LRP6: variants seen among roughly 807,000 people sequenced by gnomAD.
The protein encoded by LRP6 is LDL receptor related protein 6, also known as low-density lipoprotein receptor-related protein 6.
A neutral mutation model predicts 184.1 loss-of-function variants in LRP6; 43 were observed. That is an observed-to-expected ratio of 0.23 (90% confidence interval 0.18 to 0.30). LRP6 has a LOEUF of 0.30. LRP6 is among the 10% of genes least tolerant of loss of function. The pLI is 1.00. For synonymous variants in LRP6, 719 were observed against 684.9 expected (o/e 1.05, Z -0.78); for missense variants, 1,571 against 2,005.3 (o/e 0.78, Z 4.14).
chr12:12,140,747 G>A (rs954393473), intron 15 of LRP6, among the ~76,000 whole-genome samples: 5 of 151,594 alleles, frequency 3.3e-5, no homozygotes, highest in African/African-American at 9.7e-5. Context: ...GGGATTACTC[G>A]CACCCGTCAC....
chr12:12,218,677 GAGAGGGCCAGGCAC>G (rs1173953743), intron 2 of LRP6, among the ~76,000 whole-genome samples: 1 of 151,778 alleles, frequency 6.6e-6, no homozygotes, highest in Non-Finnish European at 1.5e-5. Context: ...TAAAAAAGGA[GAGAGGGCCAGGCAC>G]AGAGGCTCAC....
At chr12:12,216,972 G>A (rs892642756) in intron 2 of LRP6, among the ~76,000 whole-genome samples, 1 of 151,890 alleles carries the variant, frequency 6.6e-6, no homozygotes, top group African/African-American at 2.4e-5. Context: ...CATTTCTCAC[G>A]GCTCTAGTAT....
intron 13 of LRP6, 40 bp from the exon 14 acceptor site, chr12:12,149,193 G>A: frequency 6.5e-7 from 1 of 1,532,846 alleles, no homozygotes. Context: ...TAAACTCCAG[G>A]GGCAGATAAC....
At chr12:12,131,362 C>G (rs1037625682) in intron 18 of LRP6, among the ~76,000 whole-genome samples, 2 of 152,074 alleles carry the variant, frequency 1.3e-5, no homozygotes, top group African/African-American at 4.8e-5. Flanking sequence ...CCCGCCTCGG[C>G]CTCCCAAAGT....
intron 5 of LRP6, among the ~76,000 whole-genome samples, chr12:12,181,894 C>T (rs915016998): frequency 6.6e-6 from 1 of 152,148 alleles, no homozygotes; most frequent in Non-Finnish European, 1.5e-5. Flanking sequence ...AACTGCGTAA[C>T]TCTGTAAATT....
At chr12:12,166,182 T>C (rs1862874305) in intron 7 of LRP6, among the ~76,000 whole-genome samples, 1 of 152,182 alleles carries the variant, frequency 6.6e-6, no homozygotes, top group Non-Finnish European at 1.5e-5. Context: ...TAAAGGCTAA[T>C]TTGCCCAGCA....
rs1224405482 is a variant in LRP6 at position 12,184,062 on chromosome 12, C to T, written c.894G>A (p.Leu298=). ...GATAAAAAGGCTTGACTGGAGACAT[C>T]AAACACAAATGGGAACAACCCCCAT... ...IDNGGCSHLC[L]MSPVKPFYQC... The change falls in exon 5 of 23, where the codon TTG becomes TTA. Residue 298 remains leucine (L), a synonymous_variant. Coordinates refer to ENST00000261349, the MANE Select transcript of LRP6 (RefSeq NM_002336.3). 7 of 1,613,644 alleles carry T rather than the reference C, an allele frequency of 4.3e-6. No homozygotes were observed. The highest frequency in any genetic ancestry group is 5.9e-6 in the Non-Finnish European group (7 of 1,179,696).
At chr12:12,262,763 T>C (rs10845501) in intron 1 of LRP6, among the ~76,000 whole-genome samples, 62,259 of 152,012 alleles carry the variant, frequency 0.41, 15,489 homozygotes, top group East Asian at 0.76. Context: ...ACACATTGTT[T>C]TACTCACCAT....
At chr12:12,263,078 AC>A (rs1386324364) in intron 1 of LRP6, among the ~76,000 whole-genome samples, 2 of 137,268 alleles carry the variant, frequency 1.5e-5, no homozygotes, top group Non-Finnish European at 3.1e-5. Context: ...ACAAGGAGAA[AC>A]CCCATCTCTA....
intron 1 of LRP6, among the ~76,000 whole-genome samples, chr12:12,254,379 T>C (rs1865411057): frequency 6.6e-6 from 1 of 152,156 alleles, no homozygotes; most frequent in Non-Finnish European, 1.5e-5. Context: ...AGGATGATTA[T>C]GGGTTTCGTT....
intron 2 of LRP6, among the ~76,000 whole-genome samples, chr12:12,203,700 G>A (rs1339909420): frequency 1.3e-5 from 2 of 152,212 alleles, no homozygotes; most frequent in African/African-American, 2.4e-5. Flanking sequence ...CCCGAGAGGC[G>A]GAGGTTGCAG....
chr12:12,222,681 G>A (rs1215058368), intron 2 of LRP6, among the ~76,000 whole-genome samples: 2 of 151,990 alleles, frequency 1.3e-5, no homozygotes, highest in African/African-American at 2.4e-5. Context: ...TATATACTAT[G>A]TTTTTTCCTA....
intron 17 of LRP6, among the ~76,000 whole-genome samples, chr12:12,132,433 G>A (rs1178715199): frequency 1.3e-5 from 2 of 152,140 alleles, no homozygotes; most frequent in Non-Finnish European, 2.9e-5. Flanking sequence ...CTTCTCAAAG[G>A]ATAGTCCATG....
In LRP6 at chr12:12,181,324, G is replaced by A; in HGVS notation, c.1092C>T (p.Ala364=). 1 of 1,614,094 alleles carries A rather than the reference G, an allele frequency of 6.2e-7. No individual in the cohort carries two copies. Among genetic ancestry groups the A allele is most frequent in the Non-Finnish European group, 8.5e-7 (1 of 1,179,980 alleles). The change falls in exon 6 of 23, where the codon GCC becomes GCT. Residue 364 remains alanine, a synonymous_variant. Coordinates refer to ENST00000261349, the MANE Select transcript of LRP6 (RefSeq NM_002336.3). ...LQLEDIRHAI[A]IDYDPVEGYI... The stretch of plus-strand genomic sequence containing the variant: ...AGCCTTCCACAGGATCGTAATCTAT[G>A]GCAATGGCATGACGGATGTCTTCTA...
intron 19 of LRP6, 70 bp downstream of exon 19, chr12:12,130,713 C>T (rs1949739982): frequency 2.2e-6 from 2 of 898,252 alleles, no homozygotes; most frequent in South Asian, 2.7e-5. Flanking sequence ...ATAAGTAAAC[C>T]TCACACATAA....
At chr12:12,218,414 C>T (rs1311861924) in intron 2 of LRP6, among the ~76,000 whole-genome samples, 4 of 151,294 alleles carry the variant, frequency 2.6e-5, no homozygotes, top group Middle Eastern at 3.2e-3. Flanking sequence ...GGAGTTGAGG[C>T]TGCAATGAGC....
intron 4 of LRP6, 105 bp from the exon 5 acceptor site, chr12:12,184,216 G>A: frequency 2.3e-6 from 2 of 888,406 alleles, no homozygotes; most frequent in Non-Finnish European, 3.8e-6. Context: ...ATTACCAAAT[G>A]TCATGCAGGT....
At chr12:12,186,039 G>C (rs1440001195) in intron 4 of LRP6, among the ~76,000 whole-genome samples, 2 of 151,752 alleles carry the variant, frequency 1.3e-5, no homozygotes, top group Non-Finnish European at 2.9e-5. Context: ...GTAGAGACGG[G>C]GTTTCACCAT....
chr12:12,176,843 CTTTTT>C lies in LRP6; in HGVS notation c.1545+2962_1545+2966del, dbSNP rs71435897. On this transcript the variant is annotated intron_variant, in intron 7 of 22. Coordinates refer to ENST00000261349, the MANE Select transcript of LRP6 (RefSeq NM_002336.3). ...ACATATACAACAGTGTGAGCCCAAA[CTTTTT>C]TTTTTTTTTTTTTTTTTAGACAGAG... Among the ~76,000 whole-genome samples, 755 of 103,098 alleles carry C rather than the reference CTTTTT, an allele frequency of 7.3e-3. 2 individuals carry two copies. Among genetic ancestry groups the C allele is most frequent in the Non-Finnish European group, 0.011 (566 of 52,016 alleles). The allele number at this position is 103,098 out of a possible 152,430, so 67.6% of individuals were successfully genotyped here. A position where few individuals can be genotyped will look rare whatever the true frequency, so the allele number is the denominator to read the frequency against.
Sources: gnomAD v4.1 joint callset for allele counts (sites outside exome capture counted in the v4.1 genomes callset) on GRCh38, gnomAD v4.1.1 for gene constraint, MANE v1.5 for transcripts, NCBI Gene and HGNC (gene_info 2026-07-23, HGNC 2026-07-21) for gene names.